TIAM1: variants seen among roughly 807,000 people sequenced by gnomAD.
TIAM1 encodes TIAM Rac1 associated GEF 1, also known as rho guanine nucleotide exchange factor TIAM1.
In TIAM1, 65 loss-of-function variants were observed where a neutral mutation model predicts 163.5. The ratio of observed to expected loss-of-function variants is 0.40; its 90% CI spans 0.33 to 0.49. TIAM1 has a LOEUF of 0.49. Among genes scored for constraint, TIAM1 ranks in the 20% least tolerant of loss-of-function variants. TIAM1 has a pLI of 0.77. For missense variants in TIAM1, 1,789 were observed against 2,044.7 expected (o/e 0.87, Z 2.41); for synonymous variants, 833 against 810.1 (o/e 1.03, Z -0.48).
At chr21:31,392,031 A>T (rs1380049544) in intron 2 of TIAM1, among the ~76,000 whole-genome samples, 1 of 152,222 alleles carries the variant, frequency 6.6e-6, no homozygotes, top group Admixed American at 6.5e-5. Flanking sequence ...TTTGTGTTAG[A>T]TAATTCTGCC....
At chr21:31,130,787 C>A (rs2082387072) in intron 24 of TIAM1, 103 bp downstream of exon 24, 3 of 1,087,096 alleles carry the variant, frequency 2.8e-6, no homozygotes, top group Non-Finnish European at 4.1e-6. Context: ...GAAAAAAGAT[C>A]ATAAAAAGGC....
chr21:31,139,207 C>T (rs541015770), intron 22 of TIAM1, among the ~76,000 whole-genome samples: 139 of 152,172 alleles, frequency 9.1e-4, no homozygotes, highest in Middle Eastern at 3.4e-3. Flanking sequence ...TCCATTTCGC[C>T]TTCTAATCTT....
intron 6 of TIAM1, among the ~76,000 whole-genome samples, chr21:31,227,617 CG>C (rs1402264747): frequency 1.3e-5 from 2 of 151,946 alleles, no homozygotes; most frequent in Non-Finnish European, 2.9e-5. Flanking sequence ...ATAAAGAAAC[CG>C]GAAGCCACAG....
chr21:31,339,454 T>C, intron 1 of TIAM1, 32 bp from the exon 2 acceptor site: 1 of 398,576 alleles, frequency 2.5e-6, no homozygotes, highest in Non-Finnish European at 4.4e-6. Flanking sequence ...ATAATGGGTT[T>C]TGTGCTTCGT....
chr21:31,539,268 CTCTT>C (rs2075286037), intron 1 of TIAM1, among the ~76,000 whole-genome samples: 1 of 121,270 alleles, frequency 8.2e-6, no homozygotes, highest in South Asian at 2.6e-4. Context: ...GAATGGGTTA[CTCTT>C]TTTTTTTTTT....
At chr21:31,244,319 C>T (rs1386955495) in intron 6 of TIAM1, among the ~76,000 whole-genome samples, 1 of 152,160 alleles carries the variant, frequency 6.6e-6, no homozygotes, top group Non-Finnish European at 1.5e-5. Context: ...TTCTTACGGT[C>T]CTTGTCACGC....
intron 2 of TIAM1, among the ~76,000 whole-genome samples, chr21:31,445,285 G>A (rs950509417): frequency 2.0e-5 from 3 of 152,158 alleles, no homozygotes; most frequent in African/African-American, 7.2e-5. Context: ...TTGTATTACT[G>A]TGCCCCTGCT....
chr21:31,335,168 A>T (rs1042766400), intron 2 of TIAM1, among the ~76,000 whole-genome samples: 5 of 152,168 alleles, frequency 3.3e-5, no homozygotes, highest in Non-Finnish European at 7.4e-5. Flanking sequence ...CCGGTTCCTA[A>T]AGAGAAGCAT....
At chr21:31,205,909 A>G (rs2086429886) in intron 11 of TIAM1, among the ~76,000 whole-genome samples, 1 of 152,206 alleles carries the variant, frequency 6.6e-6, no homozygotes, top group South Asian at 2.1e-4. Flanking sequence ...GCAAGGCTGC[A>G]GTGAGCTATG....
intron 2 of TIAM1, among the ~76,000 whole-genome samples, chr21:31,310,829 G>A (rs2074897046): frequency 6.6e-6 from 1 of 152,164 alleles, no homozygotes; most frequent in East Asian, 1.9e-4. Context: ...AAGAAGGATG[G>A]CACTAACAAC....
intron 2 of TIAM1, among the ~76,000 whole-genome samples, chr21:31,437,790 G>C (rs112673199): frequency 6.6e-6 from 1 of 152,006 alleles, no homozygotes; most frequent in African/African-American, 2.4e-5. Context: ...TAAGTTTCCC[G>C]AGATCCCCCA....
chr21:31,217,249 T>C lies in TIAM1; in HGVS notation c.2142+304A>G, dbSNP rs1007807508. ...GCACTCAGGTACCCACTTGGCTTCATTGCAGAGCCCTGCTTTTTCCTGAAG... is the reference window on the plus strand; with the variant it reads ...GCACTCAGGTACCCACTTGGCTTCACTGCAGAGCCCTGCTTTTTCCTGAAG... On this transcript the variant is annotated intron_variant, in intron 9 of 27. Coordinates refer to ENST00000541036, the MANE Select transcript of TIAM1 (RefSeq NM_001353694.2). Among the ~76,000 whole-genome samples the C allele has an allele frequency of 5.3e-5, 8 of 152,070 alleles. No homozygotes were observed. In the East Asian group the frequency reaches 9.7e-4, roughly 18 times the overall value.
chr21:31,321,881 C>T (rs1263739059), intron 2 of TIAM1, among the ~76,000 whole-genome samples: 2 of 151,782 alleles, frequency 1.3e-5, no homozygotes, highest in East Asian at 2.0e-4. Flanking sequence ...GGTGAAACCC[C>T]ATCTCTACTA....
chr21:31,399,573 T>C (rs1365413144), intron 2 of TIAM1, among the ~76,000 whole-genome samples: 1 of 152,192 alleles, frequency 6.6e-6, no homozygotes, highest in Admixed American at 6.5e-5. Context: ...ACAGCAAAGG[T>C]TGCAAAATGT....
chr21:31,217,003 T>C (rs1443589445), intron 9 of TIAM1, among the ~76,000 whole-genome samples: 3 of 152,010 alleles, frequency 2.0e-5, no homozygotes, highest in Non-Finnish European at 2.9e-5. Context: ...GGTCAGGAGT[T>C]CAAGACCAGC....
intron 2 of TIAM1, among the ~76,000 whole-genome samples, chr21:31,306,552 G>A (rs569460409): frequency 6.6e-6 from 1 of 152,292 alleles, no homozygotes; most frequent in South Asian, 2.1e-4. Flanking sequence ...AAGTAGGACA[G>A]GCCAACTTCG....
At chr21:31,434,664 C>T (rs1602269855) in intron 2 of TIAM1, among the ~76,000 whole-genome samples, 2 of 152,200 alleles carry the variant, frequency 1.3e-5, no homozygotes, top group African/African-American at 4.8e-5. Flanking sequence ...TAACCACAAC[C>T]GTGTTTTAAT....
At chr21:31,469,817 G>A (rs2045673505) in intron 1 of TIAM1, among the ~76,000 whole-genome samples, 1 of 147,696 alleles carries the variant, frequency 6.8e-6, no homozygotes, top group African/African-American at 2.5e-5. Context: ...GGGTGACAGA[G>A]CGAGACTCCA....
intron 2 of TIAM1, among the ~76,000 whole-genome samples, chr21:31,291,570 C>T (rs896485507): frequency 4.6e-5 from 7 of 152,200 alleles, no homozygotes; most frequent in African/African-American, 1.4e-4. Context: ...GTCGCCCAGG[C>T]GACAACACAA....
Sources: gnomAD v4.1 joint callset for allele counts (sites outside exome capture counted in the v4.1 genomes callset) on GRCh38, gnomAD v4.1.1 for gene constraint, MANE v1.5 for transcripts, NCBI Gene and HGNC (gene_info 2026-07-23, HGNC 2026-07-21) for gene names.